NAA11: variants seen among roughly 807,000 people sequenced by gnomAD.
NAA11 encodes N-alpha-acetyltransferase 11.
NAA11 carries 15 observed loss-of-function variants against 16.1 expected under a neutral mutation model. That is an observed-to-expected ratio of 0.93 (90% CI 0.62 to 1.44). The LOEUF is 1.44. NAA11 is among the 40% of genes most tolerant of loss of function. The pLI is 0.00. For synonymous variants in NAA11, 122 were observed against 112.4 expected (o/e 1.09, Z -0.54); for missense variants, 298 against 291.3 (o/e 1.02, Z -0.17).
At chr4:79,247,879 C>G (rs1342993314) in intron 2 of NAA11, among the ~76,000 whole-genome samples, 1 of 152,132 alleles carries the variant, frequency 6.6e-6, no homozygotes, top group Admixed American at 6.5e-5. Flanking sequence ...GTGGAGAGAG[C>G]AGCTTAGAGA....
chr4:79,309,714 C>CTTTTTTTTTTTTT (rs71662804), intron 1 of NAA11, among the ~76,000 whole-genome samples: 5 of 81,424 alleles, frequency 6.1e-5, no homozygotes, highest in Admixed American at 1.7e-4. Context: ...TTTTTTTTTT[C>CTTTTTTTTTTTTT]TTTTTTTTTT....
chr4:79,264,325 C>T (rs1722298980), intron 2 of NAA11, among the ~76,000 whole-genome samples: 2 of 152,188 alleles, frequency 1.3e-5, no homozygotes, highest in South Asian at 4.1e-4. Context: ...GACTTCGTCT[C>T]TTGTAACATA....
chr4:79,286,200 G>A (rs942681491), intron 2 of NAA11, among the ~76,000 whole-genome samples: 2 of 151,986 alleles, frequency 1.3e-5, no homozygotes, highest in African/African-American at 4.8e-5. Flanking sequence ...TGGCTGAAAT[G>A]ATTACTTTTA....
At chr4:79,189,583 A>G in the NAA11 span, among the ~76,000 whole-genome samples, 1 of 152,124 alleles carries the variant, frequency 6.6e-6, no homozygotes. Flanking sequence ...TGAGACCTAC[A>G]CTGTGTTCTG....
intron 2 of NAA11, among the ~76,000 whole-genome samples, chr4:79,246,275 A>C (rs1374822743): frequency 1.3e-5 from 2 of 151,658 alleles, no homozygotes; most frequent in Non-Finnish European, 2.9e-5. Context: ...AAACCAGAGA[A>C]CTTTGTTCAC....
the NAA11 span, among the ~76,000 whole-genome samples, chr4:79,179,365 G>C: frequency 6.6e-6 from 1 of 151,994 alleles, no homozygotes; most frequent in Non-Finnish European, 1.5e-5. Context: ...ATAAGATATG[G>C]TAAAGCTATT....
intron 2 of NAA11, among the ~76,000 whole-genome samples, chr4:79,226,814 A>G (rs1408964810): frequency 6.6e-6 from 1 of 151,858 alleles, no homozygotes; most frequent in Non-Finnish European, 1.5e-5. Context: ...ACATTTTCTT[A>G]ATCCAGTCTA....
chr4:79,247,257 G>C (rs144046566), intron 2 of NAA11, among the ~76,000 whole-genome samples: 2,284 of 152,274 alleles, frequency 0.015, 35 homozygotes, highest in African/African-American at 0.036. Flanking sequence ...AGCCATATAC[G>C]AGAAAGGTGA....
intron 1 of NAA11, chr4:79,308,571 T>C (rs1381655566): frequency 6.6e-6 from 1 of 152,214 alleles, no homozygotes; most frequent in Non-Finnish European, 1.5e-5. Context: ...AAGATTACTT[T>C]CGTCCTTACA....
chr4:79,325,264 T>C lies in NAA11; in HGVS notation c.614A>G (p.Asp205Gly). The C allele has an allele frequency of 6.2e-7, 1 of 1,613,818 alleles. No individual in the cohort carries two copies. Among genetic ancestry groups the C allele is most frequent in the South Asian group, 1.1e-5 (1 of 91,018 alleles). Reference sequence around the variant, plus strand: ...CACAGACTCCTTAGGTTCTTTGCTGTCACTGCCACTTTCTTCGGTAGCCGG... The same window carrying C: ...CACAGACTCCTTAGGTTCTTTGCTGCCACTGCCACTTTCTTCGGTAGCCGG... Reference protein sequence around the residue: ...KNPATEESGSDSKEPKESVES... With the variant: ...KNPATEESGSGSKEPKESVES... Residue 205 changes from aspartate (D) to glycine (G), a missense_variant, in exon 1 of 2, where the codon GAC (aspartate) becomes GGC (glycine). Physicochemically the swap from Asp to Gly is moderately conservative, Grantham distance 94. Transcript: ENST00000286794.
At chr4:79,187,317 A>C in the NAA11 span, among the ~76,000 whole-genome samples, 1 of 152,208 alleles carries the variant, frequency 6.6e-6, no homozygotes, top group Admixed American at 6.5e-5. Flanking sequence ...TTGTGAGTGC[A>C]AATAGCTGCA....
At chr4:79,314,820 GC>G (rs1560472427), downstream of NAA11, among the ~76,000 whole-genome samples, 1 of 151,840 alleles carries the variant, frequency 6.6e-6, no homozygotes, top group Non-Finnish European at 1.5e-5. Flanking sequence ...TTGCCTAGAA[GC>G]CAATGAGGCA....
At chr4:79,198,878 C>G in the NAA11 span, among the ~76,000 whole-genome samples, 1 of 151,810 alleles carries the variant, frequency 6.6e-6, no homozygotes, top group Non-Finnish European at 1.5e-5. Context: ...ATTTCATATT[C>G]ACATACCCAA....
intron 1 of NAA11, among the ~76,000 whole-genome samples, chr4:79,297,669 T>C (rs1723262656): frequency 6.6e-6 from 1 of 152,134 alleles, no homozygotes; most frequent in South Asian, 2.1e-4. Context: ...CCCTCATGCC[T>C]CAGCCCCCTC....
At chr4:79,322,309 C>T (rs1578198108) in intron 1 of NAA11, among the ~76,000 whole-genome samples, 1 of 152,228 alleles carries the variant, frequency 6.6e-6, no homozygotes, top group Non-Finnish European at 1.5e-5. Flanking sequence ...AAATAAAGTT[C>T]AATTACGGTA....
chr4:79,243,085 A>C (rs2109962370), intron 2 of NAA11, among the ~76,000 whole-genome samples: 1 of 152,296 alleles, frequency 6.6e-6, no homozygotes, highest in South Asian at 2.1e-4. Context: ...TCAAGTTTGA[A>C]ATTTCTGGGT....
At chr4:79,205,152 T>C in the NAA11 span, among the ~76,000 whole-genome samples, 2 of 151,972 alleles carry the variant, frequency 1.3e-5, no homozygotes, top group African/African-American at 4.8e-5. Flanking sequence ...AGTTTTGATA[T>C]AGGTGATTTA....
rs1376891189 is a variant in NAA11, at chr4:79,325,617, G to C, written c.261C>G (p.Ala87=). 5 of 1,614,032 alleles carry C rather than the reference G, an allele frequency of 3.1e-6. No homozygotes were observed. The highest frequency in any genetic ancestry group is 4.2e-6 in the Non-Finnish European group (5 of 1,179,940). Reference sequence around the variant, plus strand: ...TGGAGGCCTGGTCCATCAGCTTCTGGGCCAGGCCGAGGCGCCGGTGTGAAC... The same window carrying C: ...TGGAGGCCTGGTCCATCAGCTTCTGCGCCAGGCCGAGGCGCCGGTGTGAAC... ...VKRSHRRLGL[A]QKLMDQASRA... Residue 87 remains alanine (A), a synonymous_variant, in exon 1 of 2, where the codon GCC becomes GCG. Transcript: ENST00000286794.
intron 2 of NAA11, among the ~76,000 whole-genome samples, chr4:79,231,481 C>T (rs1487924380): frequency 6.6e-6 from 1 of 151,882 alleles, no homozygotes; most frequent in African/African-American, 2.4e-5. Flanking sequence ...GATTGCAAAA[C>T]AGCATAGCTG....
Sources: allele counts gnomAD v4.1 joint callset (sites outside exome capture counted in the v4.1 genomes callset), GRCh38; gene constraint gnomAD v4.1.1; transcripts MANE v1.5; gene names NCBI Gene and HGNC (gene_info 2026-07-23, HGNC 2026-07-21).